Variants in CSMD1 observed in about 807,000 individuals in gnomAD.
CSMD1 encodes CUB and Sushi multiple domains 1.
Under a neutral mutation model 417.5 loss-of-function variants are expected in CSMD1, and 213 were observed. That is an observed-to-expected ratio of 0.51 (90% CI 0.46 to 0.57). The LOEUF is 0.57. Ranked by LOEUF, CSMD1 falls within the 20% of genes least tolerant of loss-of-function variation. CSMD1 has a pLI of 0.00. For synonymous variants in CSMD1, 2,862 were observed against 1,736.8 expected, an observed-to-expected ratio of 1.65 and a Z score of -16.11; for missense variants, 6,923 against 4,529.7, an observed-to-expected ratio of 1.53 and a Z score of -15.17.
At chr8:3,380,819 A>C (rs1019928085) in intron 18 of CSMD1, among the ~76,000 whole-genome samples, 13 of 151,820 alleles carry the variant, frequency 8.6e-5, no homozygotes, top group African/African-American at 2.7e-4. Flanking sequence ...GCAGCAAAAC[A>C]CCATGGCGTG....
At chr8:3,059,622 C>T (rs777625490) in intron 49 of CSMD1, among the ~76,000 whole-genome samples, 18 of 152,064 alleles carry the variant, frequency 1.2e-4, no homozygotes, top group Non-Finnish European at 2.1e-4. Context: ...TCATTTGTGA[C>T]CTGATAAAAC....
chr8:3,996,764 T>C (rs1815254972), intron 5 of CSMD1, among the ~76,000 whole-genome samples: 2 of 152,278 alleles, frequency 1.3e-5, no homozygotes, highest in Admixed American at 1.3e-4. Context: ...CTATTTGAAA[T>C]AACATTTAAA....
chr8:4,980,757 G>T (rs1810845825), intron 1 of CSMD1, among the ~76,000 whole-genome samples: 1 of 152,056 alleles, frequency 6.6e-6, no homozygotes. Context: ...TACACCAAGT[G>T]AGCTGAGTGT....
chr8:3,905,394 T>C (rs1176974092), intron 5 of CSMD1, among the ~76,000 whole-genome samples: 3 of 152,208 alleles, frequency 2.0e-5, no homozygotes, highest in South Asian at 2.1e-4. Context: ...CTGTAAATAC[T>C]GGTAAGGCCA....
intron 2 of CSMD1, among the ~76,000 whole-genome samples, chr8:4,554,259 C>G (rs138709942): frequency 0.018 from 2,755 of 152,208 alleles, 87 homozygotes; most frequent in Admixed American, 0.079. Flanking sequence ...GACTCAGCCT[C>G]CTGAGTAGCT....
chr8:4,195,720 C>T (rs146394410), intron 3 of CSMD1, among the ~76,000 whole-genome samples: 1 of 152,224 alleles, frequency 6.6e-6, no homozygotes, highest in Non-Finnish European at 1.5e-5. Context: ...GAAATGGCCC[C>T]CAGACAGCAA....
rs777509119 is a variant in CSMD1, at chr8:3,190,063, G to A, written c.5247C>T (p.Tyr1749=). The change falls in exon 34 of 70, where the codon TAC becomes TAT. Residue 1749 remains tyrosine, a synonymous_variant. Transcript: ENST00000635120. Reference sequence around the variant, plus strand: ...AAAACTCAGAACCAATTCTCCTTCCGTATCTGGGCTCGGGGACAGAGCTGC... The same window carrying A: ...AAAACTCAGAACCAATTCTCCTTCCATATCTGGGCTCGGGGACAGAGCTGC... ...TQCSSVPEPR[Y]GRRIGSEFSA... 3.8e-6 allele frequency: 6 copies of A among 1,596,066 alleles called. No individual in the cohort carries two copies. Among genetic ancestry groups the A allele is most frequent in the Admixed American group, 3.5e-5 (2 of 57,274 alleles).
intron 3 of CSMD1, among the ~76,000 whole-genome samples, chr8:4,072,483 G>T (rs570299846): frequency 2.3e-4 from 35 of 152,230 alleles, no homozygotes; most frequent in African/African-American, 7.5e-4. Context: ...GTAGTGAAGG[G>T]AATTGTGACT....
chr8:3,440,031 A>T (rs1814870601), intron 12 of CSMD1, among the ~76,000 whole-genome samples: 1 of 152,128 alleles, frequency 6.6e-6, no homozygotes, highest in South Asian at 2.1e-4. Flanking sequence ...CCTTCCACCA[A>T]CACCACATGG....
intron 2 of CSMD1, among the ~76,000 whole-genome samples, chr8:4,473,572 G>C (rs756255050): frequency 6.6e-6 from 1 of 152,146 alleles, no homozygotes; most frequent in Non-Finnish European, 1.5e-5. Flanking sequence ...CATATCAATA[G>C]TAGTTATGCA....
chr8:3,635,671 G>C (rs1417336399), intron 7 of CSMD1, among the ~76,000 whole-genome samples: 1 of 150,738 alleles, frequency 6.6e-6, no homozygotes, highest in East Asian at 2.0e-4. Flanking sequence ...TTTTAGTAGA[G>C]ACGGGGATTC....
chr8:3,654,647 G>T (rs1323891371), intron 7 of CSMD1, among the ~76,000 whole-genome samples: 2 of 152,216 alleles, frequency 1.3e-5, no homozygotes, highest in African/African-American at 4.8e-5. Context: ...CTAGGTGTGA[G>T]AGCTCCATTT....
intron 5 of CSMD1, among the ~76,000 whole-genome samples, chr8:3,943,055 T>C (rs867434121): frequency 7.9e-5 from 12 of 152,248 alleles, no homozygotes; most frequent in Middle Eastern, 3.4e-3. Flanking sequence ...TCAGAGAAGA[T>C]AAATGCAATA....
intron 52 of CSMD1, among the ~76,000 whole-genome samples, chr8:3,011,385 C>G (rs1046988495): frequency 6.8e-6 from 1 of 146,122 alleles, no homozygotes. Flanking sequence ...TAAGCATTAT[C>G]ATAATCAGTT....
chr8:2,973,240 C>T lies in CSMD1; in HGVS notation c.8800G>A (p.Asp2934Asn), dbSNP rs1585075085. Residue 2934 changes from aspartate to asparagine, a missense_variant, in exon 57 of 70, where the codon GAT (aspartate) becomes AAT (asparagine). Physicochemically the swap from Asp to Asn is conservative, Grantham distance 23 (BLOSUM62 1). Coordinates refer to ENST00000635120, the MANE Select transcript of CSMD1 (RefSeq NM_033225.6). ...GTPAHGSRLG[D>N]DFKTKSLLRF... ...AGAAGACTCTTTGTCTTAAAGTCAT[C>T]ACCAAGCCGAGACCCATGTGCTGGG... The T allele has an allele frequency of 1.2e-6, 2 of 1,613,958 alleles. No homozygotes were observed. Among genetic ancestry groups the T allele is most frequent in the Non-Finnish European group, 1.7e-6 (2 of 1,179,868 alleles).
chr8:4,778,303 C>A (rs1001124662), intron 1 of CSMD1, among the ~76,000 whole-genome samples: 7 of 152,026 alleles, frequency 4.6e-5, no homozygotes, highest in Admixed American at 4.6e-4. Context: ...ATAAAAAGGT[C>A]AGAGCTATTT....
chr8:3,357,944 TAACG>T (rs1410930718), intron 21 of CSMD1, among the ~76,000 whole-genome samples: 12 of 152,214 alleles, frequency 7.9e-5, no homozygotes, highest in Non-Finnish European at 1.8e-4. Flanking sequence ...AATTTTTTAA[TAACG>T]AAATTCTGAC....
At chr8:3,000,270 T>C (rs1807282452) in intron 52 of CSMD1, 139 bp from the exon 53 acceptor site, 5 of 420,482 alleles carry the variant, frequency 1.2e-5, no homozygotes, top group East Asian at 1.1e-4. Context: ...TATATATGTA[T>C]ACTTTTAAAT....
intron 52 of CSMD1, among the ~76,000 whole-genome samples, chr8:3,005,611 G>T (rs937569024): frequency 6.6e-6 from 1 of 152,164 alleles, no homozygotes; most frequent in Admixed American, 6.5e-5. Context: ...TGCAAGGCTG[G>T]TTCAATTACA....
Sources: gnomAD v4.1 joint callset for allele counts (sites outside exome capture counted in the v4.1 genomes callset) on GRCh38, gnomAD v4.1.1 for gene constraint, MANE v1.5 for transcripts, NCBI Gene and HGNC (gene_info 2026-07-23, HGNC 2026-07-21) for gene names.